Variants in PPA2 observed in about 807,000 individuals in gnomAD.
The protein encoded by PPA2 is inorganic pyrophosphatase 2, also known as inorganic pyrophosphatase 2, mitochondrial.
A neutral mutation model predicts 49.5 loss-of-function variants in PPA2; 48 were observed. That is an observed-to-expected ratio of 0.97 (90% confidence interval 0.77 to 1.23). The LOEUF is 1.23. Ranked by LOEUF, PPA2 falls within the 50% of genes most tolerant of loss-of-function variation. PPA2 has a pLI of 0.00. For missense variants in PPA2, 429 were observed against 410.1 expected, an observed-to-expected ratio of 1.05 and a Z score of -0.40; for synonymous variants, 131 against 139.9, an observed-to-expected ratio of 0.94 and a Z score of 0.45.
At chr4:105,404,320 C>T (rs72964271) in intron 7 of PPA2, among the ~76,000 whole-genome samples, 5,439 of 151,906 alleles carry the variant, frequency 0.036, 327 homozygotes, top group African/African-American at 0.12. Flanking sequence ...GAACCACCCC[C>T]AATCCCCTGA....
intron 7 of PPA2, among the ~76,000 whole-genome samples, chr4:105,418,129 C>T (rs968230148): frequency 1.3e-5 from 2 of 152,174 alleles, no homozygotes; most frequent in African/African-American, 4.8e-5. Context: ...TGTTAGAGCT[C>T]TTAGGTTGAT....
chr4:105,390,562 C>T (rs888241521), intron 9 of PPA2, among the ~76,000 whole-genome samples: 42 of 152,146 alleles, frequency 2.8e-4, no homozygotes, highest in Admixed American at 2.7e-3. Context: ...AAAAGCTCAT[C>T]ATCACTGATC....
At chr4:105,438,713 T>C (rs1458784517) in intron 5 of PPA2, among the ~76,000 whole-genome samples, 1 of 152,128 alleles carries the variant, frequency 6.6e-6, no homozygotes, top group Non-Finnish European at 1.5e-5. Flanking sequence ...AGATTAAAGA[T>C]CCCTTAGGCA....
intron 2 of PPA2, among the ~76,000 whole-genome samples, chr4:105,455,215 T>C (rs1176649927): frequency 6.6e-6 from 1 of 152,206 alleles, no homozygotes; most frequent in East Asian, 1.9e-4. Flanking sequence ...AGTGAATGCA[T>C]GCACTTTTAG....
intron 1 of PPA2, 77 bp from the exon 2 acceptor site, chr4:105,456,822 T>C (rs909227167): frequency 4.2e-5 from 47 of 1,107,404 alleles, no homozygotes; most frequent in Middle Eastern, 2.1e-4. Flanking sequence ...ATAATAAACA[T>C]CCTTATCCAC....
intron 5 of PPA2, among the ~76,000 whole-genome samples, chr4:105,438,728 C>G (rs899820853): frequency 6.6e-6 from 1 of 152,272 alleles, no homozygotes. Context: ...TAGGCACTAT[C>G]TCTCCCAAAA....
intron 4 of PPA2, among the ~76,000 whole-genome samples, chr4:105,447,323 T>C (rs1447032375): frequency 6.6e-6 from 1 of 152,134 alleles, no homozygotes; most frequent in Non-Finnish European, 1.5e-5. Context: ...CTCACCTATA[T>C]GTGGAATCTA....
Position 105,452,580 on chromosome 4 carries a change from CAGAT to C in PPA2, c.267+1014_267+1017del, listed in dbSNP as rs199652432. 6.6e-5 allele frequency among the ~76,000 whole-genome samples: 10 copies of C among 152,224 alleles called. No homozygotes were observed. The East Asian group carries it at 1.2e-3, about 18-fold the overall frequency. On this transcript the variant is annotated intron_variant, in intron 3 of 11. Coordinates refer to ENST00000341695, the MANE Select transcript of PPA2 (RefSeq NM_176869.3). ...CACACCAGCTTAGAAAAATAGAAGACAGATAGCAGGCAAAGGTTGTAGGAATTTA... is the reference window on the plus strand; with the variant it reads ...CACACCAGCTTAGAAAAATAGAAGACAGCAGGCAAAGGTTGTAGGAATTTA...
At chr4:105,381,906 GA>G (rs1381719602) in intron 10 of PPA2, among the ~76,000 whole-genome samples, 23 of 151,872 alleles carry the variant, frequency 1.5e-4, no homozygotes, top group Non-Finnish European at 1.8e-4. Flanking sequence ...TAAAAAGTCA[GA>G]AAAACGAACA....
chr4:105,418,739 A>T (rs1473336327), intron 7 of PPA2, among the ~76,000 whole-genome samples: 1 of 152,248 alleles, frequency 6.6e-6, no homozygotes, highest in East Asian at 1.9e-4. Flanking sequence ...AAGGCCAAAC[A>T]AAAGAAATCT....
intron 10 of PPA2, among the ~76,000 whole-genome samples, chr4:105,379,073 CT>C (rs1200048303): frequency 1.3e-5 from 2 of 152,030 alleles, no homozygotes; most frequent in African/African-American, 4.8e-5. Context: ...TATATATCAA[CT>C]TTAGCAGAAC....
At chr4:105,417,355 T>C (rs1464699655) in intron 7 of PPA2, among the ~76,000 whole-genome samples, 1 of 152,152 alleles carries the variant, frequency 6.6e-6, no homozygotes, top group African/African-American at 2.4e-5. Context: ...TAAAAATATT[T>C]CCTATAACAA....
rs377618569 is a variant in PPA2 at position 105,453,569 on chromosome 4, T to C, written c.267+29A>G. The C allele has an allele frequency of 1.2e-4, 177 of 1,529,346 alleles. No homozygotes were observed. Among genetic ancestry groups the C allele is most frequent in the Middle Eastern group, 1.7e-4 (1 of 5,846 alleles). 94.7% of individuals were successfully genotyped at this position (1,529,346 alleles called of 1,614,324 possible). ...TATTTAACAGACAATATAAAAGTGATTCACAAAAATAAAAACCTTTGGATA... is the reference window on the plus strand; with the variant it reads ...TATTTAACAGACAATATAAAAGTGACTCACAAAAATAAAAACCTTTGGATA... On this transcript the variant is annotated intron_variant, in intron 3 of 11. Transcript: ENST00000341695.
At chr4:105,403,869 G>A (rs904213731) in intron 7 of PPA2, among the ~76,000 whole-genome samples, 3 of 148,174 alleles carry the variant, frequency 2.0e-5, no homozygotes, top group Admixed American at 6.7e-5. Context: ...CAATTCACTT[G>A]TTTCTAAAAT....
chr4:105,382,715 T>C (rs1733536353), intron 10 of PPA2, among the ~76,000 whole-genome samples: 1 of 152,030 alleles, frequency 6.6e-6, no homozygotes. Flanking sequence ...AAAAGAAATG[T>C]AGGCTGGGTG....
chr4:105,460,865 A>G (rs1723061151), intron 1 of PPA2, among the ~76,000 whole-genome samples: 1 of 151,724 alleles, frequency 6.6e-6, no homozygotes, highest in African/African-American at 2.4e-5. Context: ...TCACATATAT[A>G]TATAGTTTTC....
intron 2 of PPA2, among the ~76,000 whole-genome samples, chr4:105,454,302 CTGTTGTTGTTGTTGTTGTTGT>C (rs111229489): frequency 2.1e-5 from 3 of 146,284 alleles, no homozygotes; most frequent in Admixed American, 6.8e-5. Context: ...TTTGCTGCTG[CTGTTGTTGTTGTTGTTGTTGT>C]TGTTGTTGTT....
intron 6 of PPA2, among the ~76,000 whole-genome samples, chr4:105,428,679 G>T (rs1399471825): frequency 6.6e-6 from 1 of 151,942 alleles, no homozygotes; most frequent in African/African-American, 2.4e-5. Context: ...GGGGGTGGGG[G>T]GCTAGGGGAG....
chr4:105,450,375 C>CT (rs890656208), intron 3 of PPA2, among the ~76,000 whole-genome samples: 215 of 142,280 alleles, frequency 1.5e-3, no homozygotes, highest in Middle Eastern at 7.1e-3. Context: ...TTACACTTTC[C>CT]TTTTTTTTTT....
Sources: allele counts gnomAD v4.1 joint callset (sites outside exome capture counted in the v4.1 genomes callset), GRCh38; gene constraint gnomAD v4.1.1; transcripts MANE v1.5; gene names NCBI Gene and HGNC (gene_info 2026-07-23, HGNC 2026-07-21).